ZNF438: variants seen among roughly 807,000 people sequenced by gnomAD.
ZNF438 encodes the protein zinc finger protein 438.
A neutral mutation model predicts 38.0 loss-of-function variants in ZNF438; 25 were observed. The ratio of observed to expected loss-of-function variants is 0.66; its 90% CI spans 0.48 to 0.92. The LOEUF (loss-of-function observed/expected upper bound fraction) is 0.92, where lower values mean the gene tolerates loss of function less well. Among genes scored for constraint, ZNF438 ranks in the 40% least tolerant of loss-of-function variants. The pLI, the probability that ZNF438 is intolerant of heterozygous loss-of-function variation, is 0.00. For missense variants in ZNF438, 1,007 were observed against 999.6 expected (o/e 1.01, Z -0.10); for synonymous variants, 372 against 364.1 (o/e 1.02, Z -0.25).
At position 30,896,251 on chromosome 10, in the gene ZNF438, G is replaced by A. The variant is rs182594735; in HGVS notation, c.-32+12682C>T. Among the ~76,000 whole-genome samples, 347 of 146,282 alleles carry A rather than the reference G, an allele frequency of 2.4e-3. 2 individuals are homozygous for A. The highest frequency in any genetic ancestry group is 3.4e-3 in the Non-Finnish European group (226 of 67,340). On this transcript the variant is annotated intron_variant, in intron 3 of 5. Transcript: ENST00000413025. Reference sequence around the variant, plus strand: ...GCAGAGCTTGCAGTGAGCCGAGACCGCGCCACGGCACTCCAGCCTGGGCAA... The same window carrying A: ...GCAGAGCTTGCAGTGAGCCGAGACCACGCCACGGCACTCCAGCCTGGGCAA...
intron 2 of ZNF438, chr10:30,919,872 C>T (rs1439024999): frequency 2.0e-5 from 3 of 152,166 alleles, no homozygotes; most frequent in African/African-American, 7.2e-5. Flanking sequence ...CGAGATCCAA[C>T]CAACCCAAGC....
chr10:30,969,476 A>C (rs1423786413), intron 1 of ZNF438, among the ~76,000 whole-genome samples: 1 of 152,242 alleles, frequency 6.6e-6, no homozygotes, highest in African/African-American at 2.4e-5. Flanking sequence ...AAGAAGCTAA[A>C]GGTGCTCATT....
intron 4 of ZNF438, among the ~76,000 whole-genome samples, chr10:30,855,355 T>C (rs907958735): frequency 3.3e-5 from 5 of 152,182 alleles, no homozygotes; most frequent in African/African-American, 1.2e-4. Flanking sequence ...AAGAAGTGGA[T>C]GCTGGGGTTG....
intron 1 of ZNF438, among the ~76,000 whole-genome samples, chr10:30,994,427 T>C (rs999988831): frequency 3.3e-5 from 5 of 152,318 alleles, no homozygotes; most frequent in African/African-American, 7.2e-5. Context: ...ACTGGATTAA[T>C]GGGTTATCAC....
intron 1 of ZNF438, among the ~76,000 whole-genome samples, chr10:30,981,574 C>A (rs2052152148): frequency 1.3e-5 from 2 of 152,018 alleles, no homozygotes; most frequent in Non-Finnish European, 2.9e-5. Flanking sequence ...AAGTAAAGTG[C>A]CTGGTACATA....
chr10:30,993,218 G>A (rs772775429), intron 1 of ZNF438, among the ~76,000 whole-genome samples: 14 of 152,216 alleles, frequency 9.2e-5, no homozygotes, highest in Non-Finnish European at 1.8e-4. Flanking sequence ...GACAATTAGA[G>A]AAAGACTCCA....
rs754766557 is a variant in ZNF438, at chr10:30,848,971, A to G, written c.1434T>C (p.Tyr478=). The G allele has an allele frequency of 3.1e-6, 5 of 1,614,178 alleles. No individual in the cohort carries two copies. In the East Asian group the frequency reaches 6.7e-5, roughly 22 times the overall value. ...AGCTGTTGTCTTGCTTACAGCCAAG[A>G]TATTTAGGAGTGAGTGAATTATTTA... The change falls in exon 5 of 6, where the codon TAT becomes TAC. Residue 478 remains tyrosine, a synonymous_variant. Transcript: ENST00000413025.
intron 3 of ZNF438, among the ~76,000 whole-genome samples, chr10:30,899,274 G>A (rs571571215): frequency 6.6e-6 from 1 of 152,300 alleles, no homozygotes; most frequent in South Asian, 2.1e-4. Flanking sequence ...CAAGGGGAAA[G>A]AAGATGCTAA....
exon 5 of ZNF438, chr10:30,849,777 T>C (rs1193904240): frequency 6.2e-7 from 1 of 1,614,102 alleles, no homozygotes; most frequent in South Asian, 1.1e-5. Flanking sequence ...CTGCCATGGG[T>C]GTTGGTCACT....
intron 2 of ZNF438, among the ~76,000 whole-genome samples, chr10:30,917,608 T>A (rs918844425): frequency 6.6e-6 from 1 of 152,202 alleles, no homozygotes; most frequent in Non-Finnish European, 1.5e-5. Flanking sequence ...GTGCAGTGTC[T>A]GTGTTACAAA....
At chr10:30,923,662 T>G (rs1020285062) in intron 2 of ZNF438, among the ~76,000 whole-genome samples, 1 of 152,234 alleles carries the variant, frequency 6.6e-6, no homozygotes, top group African/African-American at 2.4e-5. Context: ...TTTTCTATTA[T>G]TTTCATCTGC....
At position 30,906,366 on chromosome 10, in the gene ZNF438, A is replaced by G. The variant is rs559706259; in HGVS notation, c.-32+2567T>C. On this transcript the variant is annotated intron_variant, in intron 3 of 5. Coordinates refer to ENST00000413025, the Ensembl canonical transcript of ZNF438. Reference sequence around the variant, plus strand: ...CTTAATTTCTCAGTTTTATTTCTCAATTTCCAGATTGTTCCTTGGTAGTGT... The same window carrying G: ...CTTAATTTCTCAGTTTTATTTCTCAGTTTCCAGATTGTTCCTTGGTAGTGT... Among the ~76,000 whole-genome samples, 12 of 152,226 alleles carry G rather than the reference A, an allele frequency of 7.9e-5. No homozygotes were observed. In the South Asian group the frequency reaches 2.5e-3, roughly 32 times the overall value.
At chr10:30,900,990 T>A (rs2041907627) in intron 3 of ZNF438, among the ~76,000 whole-genome samples, 1 of 152,242 alleles carries the variant, frequency 6.6e-6, no homozygotes, top group Admixed American at 6.5e-5. Context: ...GGCAGTTCAC[T>A]ATGATTTTCT....
intron 2 of ZNF438, among the ~76,000 whole-genome samples, chr10:30,912,815 G>A (rs947325935): frequency 9.9e-5 from 15 of 151,990 alleles, no homozygotes; most frequent in Non-Finnish European, 2.9e-5. Flanking sequence ...CTTTCCTCTT[G>A]TGTGTCTCAA....
intron 1 of ZNF438, among the ~76,000 whole-genome samples, chr10:30,946,416 A>C (rs1373380364): frequency 6.6e-6 from 1 of 152,132 alleles, no homozygotes; most frequent in Non-Finnish European, 1.5e-5. Flanking sequence ...CAACCTACAA[A>C]AGGGGAGAAA....
chr10:30,888,160 A>T (rs1192945168), intron 3 of ZNF438, among the ~76,000 whole-genome samples: 1 of 152,204 alleles, frequency 6.6e-6, no homozygotes, highest in Non-Finnish European at 1.5e-5. Context: ...GAGTGGAATT[A>T]TTAAGTGGTC....
intron 3 of ZNF438, among the ~76,000 whole-genome samples, chr10:30,885,899 C>T (rs1311796466): frequency 6.6e-6 from 1 of 152,156 alleles, no homozygotes; most frequent in East Asian, 1.9e-4. Flanking sequence ...TGCTAGCCAT[C>T]TTCAAATATC....
At chr10:30,947,599 C>G in intron 1 of ZNF438, among the ~76,000 whole-genome samples, 1 of 152,272 alleles carries the variant, frequency 6.6e-6, no homozygotes, top group East Asian at 1.9e-4. Context: ...CAAGCCTGGG[C>G]AATGGCGGGT....
intron 2 of ZNF438, among the ~76,000 whole-genome samples, chr10:30,938,072 G>C (rs1198722966): frequency 6.6e-6 from 1 of 152,100 alleles, no homozygotes; most frequent in Non-Finnish European, 1.5e-5. Context: ...CTAAGATCTA[G>C]GGACTTAATA....
Sources: gnomAD v4.1 joint callset for allele counts (sites outside exome capture counted in the v4.1 genomes callset) on GRCh38, gnomAD v4.1.1 for gene constraint, MANE v1.5 for transcripts, NCBI Gene and HGNC (gene_info 2026-07-23, HGNC 2026-07-21) for gene names.